CTNNA3: variants seen among roughly 807,000 people sequenced by gnomAD.
CTNNA3 encodes catenin alpha-3.
CTNNA3 carries 76 observed loss-of-function variants against 95.7 expected under a neutral mutation model. The ratio of observed to expected loss-of-function variants is 0.79; its 90% CI spans 0.66 to 0.96. CTNNA3 has a LOEUF of 0.96. Among genes scored for constraint, CTNNA3 ranks in the 40% least tolerant of loss-of-function variants. CTNNA3 has a pLI of 0.00. For missense variants in CTNNA3, 1,191 were observed against 1,089.8 expected, an observed-to-expected ratio of 1.09 and a Z score of -1.31; for synonymous variants, 431 against 374.4, an observed-to-expected ratio of 1.15 and a Z score of -1.74.
chr10:66,281,468 G>A (rs1388738251), intron 12 of CTNNA3, among the ~76,000 whole-genome samples: 20 of 151,758 alleles, frequency 1.3e-4, no homozygotes, highest in Non-Finnish European at 1.5e-5. Flanking sequence ...GAGAAATCAA[G>A]ACTCTTCCAC....
chr10:67,518,173 C>T (rs1269631802), intron 5 of CTNNA3, among the ~76,000 whole-genome samples: 1 of 152,166 alleles, frequency 6.6e-6, no homozygotes, highest in East Asian at 1.9e-4. Context: ...AAAGCTCACA[C>T]TCTAATCACT....
chr10:66,847,431 C>T (rs960652809), intron 7 of CTNNA3, among the ~76,000 whole-genome samples: 2 of 152,266 alleles, frequency 1.3e-5, no homozygotes, highest in South Asian at 4.1e-4. Context: ...TACTCAATGA[C>T]CATCTACTAT....
intron 7 of CTNNA3, among the ~76,000 whole-genome samples, chr10:67,020,980 C>T (rs1210413677): frequency 6.6e-6 from 1 of 152,294 alleles, no homozygotes; most frequent in Non-Finnish European, 1.5e-5. Flanking sequence ...TAAACCTTGA[C>T]TATGGAAAGT....
At chr10:66,005,542 G>T (rs1310822824) in intron 15 of CTNNA3, among the ~76,000 whole-genome samples, 3 of 152,048 alleles carry the variant, frequency 2.0e-5, no homozygotes, top group African/African-American at 7.2e-5. Context: ...GGGTGGCCTG[G>T]AAAAATTTGG....
At chr10:66,316,558 C>G (rs995538967) in intron 12 of CTNNA3, among the ~76,000 whole-genome samples, 1 of 151,988 alleles carries the variant, frequency 6.6e-6, no homozygotes, top group Admixed American at 6.5e-5. Context: ...CACACCCACA[C>G]TCACTCTGAT....
At chr10:67,752,951 C>CA (rs573326218) in intron 1 of CTNNA3, among the ~76,000 whole-genome samples, 2 of 151,746 alleles carry the variant, frequency 1.3e-5, no homozygotes, top group Non-Finnish European at 2.9e-5. Context: ...TGCCGTTTTT[C>CA]AAAAAATTAG....
chr10:66,695,255 T>TC (rs1847713676), intron 9 of CTNNA3, among the ~76,000 whole-genome samples: 1 of 152,162 alleles, frequency 6.6e-6, no homozygotes, highest in South Asian at 2.1e-4. Context: ...GCCTCCTGAC[T>TC]CCCAGACACC....
At chr10:66,065,735 T>C (rs910176674) in intron 15 of CTNNA3, among the ~76,000 whole-genome samples, 27 of 152,132 alleles carry the variant, frequency 1.8e-4, no homozygotes, top group Non-Finnish European at 3.5e-4. Flanking sequence ...TTACCCTTCA[T>C]TGTTGTCCCT....
chr10:66,846,443 G>A (rs867858749), intron 7 of CTNNA3, among the ~76,000 whole-genome samples: 1 of 147,726 alleles, frequency 6.8e-6, no homozygotes. Context: ...AATTTGCTAA[G>A]AGAACAGATT....
chr10:67,191,555 C>A lies in CTNNA3; in HGVS notation c.844-11035G>T, dbSNP rs144313447. 2.7e-3 allele frequency among the ~76,000 whole-genome samples: 410 copies of A among 151,880 alleles called. 3 individuals are homozygous for A. Among genetic ancestry groups the A allele is most frequent in the African/African-American group, 9.4e-3 (390 of 41,496 alleles). On this transcript the variant is annotated intron_variant, in intron 6 of 17. Coordinates refer to ENST00000433211, the MANE Select transcript of CTNNA3 (RefSeq NM_013266.4). ...AAATTTAACCACAGATTTGAAAGAT[C>A]TGTGGTTACATTAAAAATTACAAGG...
Position 66,350,536 on chromosome 10 carries a change from T to G in CTNNA3, c.1732+28616A>C, listed in dbSNP as rs1242091768. Among the ~76,000 whole-genome samples, 4 of 144,002 alleles carry G rather than the reference T, an allele frequency of 2.8e-5. No homozygotes were observed. In the East Asian group the frequency reaches 8.1e-4, roughly 29 times the overall value. The allele number at this position is 144,002 out of a possible 152,430, so 94.5% of individuals were successfully genotyped here. A position where few individuals can be genotyped will look rare whatever the true frequency, so the allele number is the denominator to read the frequency against. On this transcript the variant is annotated intron_variant, in intron 12 of 17. Transcript: ENST00000433211. ...AACACAAAATAAATCAAAACGTAGC[T>G]CCAGAAAAAAAAAATTGGGGAAGAA...
chr10:67,582,196 T>A (rs1842429038), intron 3 of CTNNA3, among the ~76,000 whole-genome samples: 1 of 139,188 alleles, frequency 7.2e-6, no homozygotes, highest in Admixed American at 7.6e-5. Flanking sequence ...CGTGGGCTTT[T>A]ATTGCTGTAA....
At chr10:67,157,794 T>C (rs1861376110) in intron 7 of CTNNA3, among the ~76,000 whole-genome samples, 3 of 152,148 alleles carry the variant, frequency 2.0e-5, no homozygotes, top group African/African-American at 7.2e-5. Context: ...CAGTTCCTGA[T>C]GAATTCCCAG....
chr10:66,708,237 A>C (rs767599127), intron 9 of CTNNA3, among the ~76,000 whole-genome samples: 7 of 151,940 alleles, frequency 4.6e-5, no homozygotes, highest in Non-Finnish European at 8.8e-5. Flanking sequence ...AAAAAAAAAA[A>C]ACACCACTGA....
chr10:66,688,100 C>T (rs962684634), intron 9 of CTNNA3, among the ~76,000 whole-genome samples: 4 of 151,896 alleles, frequency 2.6e-5, no homozygotes, highest in Non-Finnish European at 5.9e-5. Flanking sequence ...AGATTCCTAC[C>T]CTTGCATTTT....
At chr10:67,057,507 C>A (rs998158298) in intron 7 of CTNNA3, among the ~76,000 whole-genome samples, 3 of 152,122 alleles carry the variant, frequency 2.0e-5, no homozygotes, top group Non-Finnish European at 1.5e-5. Flanking sequence ...ATAAGTGGGA[C>A]CATGCAGTAG....
chr10:66,425,198 A>G (rs190605421), intron 11 of CTNNA3, among the ~76,000 whole-genome samples: 1 of 151,980 alleles, frequency 6.6e-6, no homozygotes, highest in Non-Finnish European at 1.5e-5. Context: ...TGCATAGTAT[A>G]TCTATATTTA....
rs537902712 is a variant in CTNNA3, at chr10:67,465,785, T to G, written c.579+56057A>C. ...TGGAGAAGGTGAAAAACAGCCTCTG[T>G]ACTGCACATGCACAAAAAATTAATA... On this transcript the variant is annotated intron_variant, in intron 5 of 17. Coordinates refer to ENST00000433211, the MANE Select transcript of CTNNA3 (RefSeq NM_013266.4). Among the ~76,000 whole-genome samples, 7 of 152,268 alleles carry G rather than the reference T, an allele frequency of 4.6e-5. No homozygotes were observed. In the South Asian group the frequency reaches 1.5e-3, roughly 32 times the overall value.
At chr10:66,921,789 T>G (rs1343795031) in intron 7 of CTNNA3, among the ~76,000 whole-genome samples, 1 of 152,238 alleles carries the variant, frequency 6.6e-6, no homozygotes, top group Non-Finnish European at 1.5e-5. Flanking sequence ...TATATGTTTA[T>G]TTTTAATTGT....
Sources: allele counts gnomAD v4.1 joint callset (sites outside exome capture counted in the v4.1 genomes callset), GRCh38; gene constraint gnomAD v4.1.1; transcripts MANE v1.5; gene names NCBI Gene and HGNC (gene_info 2026-07-23, HGNC 2026-07-21).